MCM6: variants seen among roughly 807,000 people sequenced by gnomAD.
MCM6 encodes the protein minichromosome maintenance complex component 6.
Under a neutral mutation model 94.3 loss-of-function variants are expected in MCM6, and 46 were observed. That is an observed-to-expected ratio of 0.49 (90% CI 0.39 to 0.62). The LOEUF is 0.62. Among genes scored for constraint, MCM6 ranks in the 20% least tolerant of loss-of-function variants. MCM6 has a pLI of 0.00. For missense variants in MCM6, 865 were observed against 1,017.9 expected (o/e 0.85, Z 2.04); for synonymous variants, 335 against 351.9 (o/e 0.95, Z 0.54).
At chr2:135,843,461 G>A (rs753145325) in intron 16 of MCM6, among the ~76,000 whole-genome samples, 17 of 152,036 alleles carry the variant, frequency 1.1e-4, no homozygotes, top group South Asian at 2.1e-4. Context: ...GGCCAGGCAC[G>A]GTGGCTCACG....
At chr2:135,856,218 G>T (rs1390967632) in intron 11 of MCM6, among the ~76,000 whole-genome samples, 1 of 152,164 alleles carries the variant, frequency 6.6e-6, no homozygotes, top group Non-Finnish European at 1.5e-5. Flanking sequence ...AGGTGGGTGT[G>T]CATCACTGGA....
Position 135,848,050 on chromosome 2 carries a change from C to CATGAACAAGA in MCM6, c.2053+2_2053+3insTCTTGTTCAT. On this transcript the variant is annotated splice_region_variant and intron_variant, in intron 14 of 16. Transcript: ENST00000264156. ...AAAACAGTCACATGAACAAGTATCT[C>CATGAACAAGA]ACCATTGATGCCACCAGCACCCTCA... 6.2e-7 allele frequency: 1 copy of CATGAACAAGA among 1,605,364 alleles called. No individual in the cohort carries two copies. Among genetic ancestry groups the CATGAACAAGA allele is most frequent in the Non-Finnish European group, 8.5e-7 (1 of 1,173,162 alleles).
chr2:135,863,579 T>A (rs565250290), intron 7 of MCM6, among the ~76,000 whole-genome samples: 74 of 152,110 alleles, frequency 4.9e-4, no homozygotes, highest in African/African-American at 1.6e-3. Context: ...AAATTTTTTT[T>A]AATTAGCTGG....
Position 135,852,853 on chromosome 2 carries a change from A to C in MCM6, c.1689T>G (p.Ile563Met), listed in dbSNP as rs372343766. 1.2e-6 allele frequency: 2 copies of C among 1,611,428 alleles called. No homozygotes were observed. Among genetic ancestry groups the C allele is most frequent in the African/African-American group, 2.7e-5 (2 of 74,892 alleles). ...VDLHSRIEESIDRVYSLDDIR... is the reference protein window; with the variant it reads ...VDLHSRIEESMDRVYSLDDIR... ...TATCATCGAGGGAATAGACACGATC[A>C]ATTGATTCCTCAATTCTTGAATGCA... The change falls in exon 12 of 17, where the codon ATT becomes ATG. Residue 563 changes from isoleucine to methionine, a missense_variant. Ile to Met is a conservative substitution (Grantham distance 10). Transcript: ENST00000264156.
rs199894424 is a variant in MCM6, at chr2:135,866,256, G to A, written c.803C>T (p.Ser268Phe). The A allele has an allele frequency of 1.3e-5, 21 of 1,614,096 alleles. No individual in the cohort carries two copies. The highest frequency in any genetic ancestry group is 1.7e-5 in the Non-Finnish European group (20 of 1,179,986). Reference protein sequence around the residue: ...STPGARAETNSRVSGVDGYET... With the variant: ...STPGARAETNFRVSGVDGYET... ...ATATCCATCAACACCACTGACACGG[G>A]AATTAGTTTCTGCACGTGCTCCTGA... The change falls in exon 6 of 17, where the codon TCC becomes TTC. Residue 268 changes from serine to phenylalanine, a missense_variant. This residue lies in a region of MCM6 where 404 missense variants were observed against 451.9 expected (regional missense o/e 0.89). Coordinates refer to ENST00000264156, the MANE Select transcript of MCM6 (RefSeq NM_005915.6).
intron 11 of MCM6, among the ~76,000 whole-genome samples, chr2:135,854,674 G>A (rs1679841298): frequency 6.6e-6 from 1 of 151,604 alleles, no homozygotes; most frequent in Non-Finnish European, 1.5e-5. Context: ...GGAGTTTGCA[G>A]CCAGCCTGGG....
intron 16 of MCM6, among the ~76,000 whole-genome samples, 185 bp from the exon 17 acceptor site, chr2:135,841,136 T>C (rs1194050429): frequency 1.3e-5 from 2 of 152,210 alleles, no homozygotes; most frequent in Non-Finnish European, 2.9e-5. Flanking sequence ...ACCCTGTTCC[T>C]AGTAGGATGC....
At chr2:135,853,045 C>A in intron 11 of MCM6, 130 bp from the exon 12 acceptor site, 1 of 704,556 alleles carries the variant, frequency 1.4e-6, no homozygotes, top group Non-Finnish European at 2.2e-6. Flanking sequence ...TTAATGGGTA[C>A]CAAGTTTCTG....
At chr2:135,870,207 T>C in intron 3 of MCM6, 44 bp downstream of exon 3, 2 of 1,430,156 alleles carry the variant, frequency 1.4e-6, no homozygotes, top group Non-Finnish European at 2.0e-6. Context: ...GTGGTACTTA[T>C]ACCATTTGGT....
chr2:135,845,537 T>G (rs1195164655), intron 15 of MCM6, among the ~76,000 whole-genome samples: 1 of 152,168 alleles, frequency 6.6e-6, no homozygotes, highest in Non-Finnish European at 1.5e-5. Flanking sequence ...AATCTCTTGT[T>G]CTCTTCTTTC....
In MCM6 at chr2:135,840,519, C is replaced by T. The variant is rs1280907336; in HGVS notation, c.*316G>A. 9.4e-6 allele frequency: 2 copies of T among 212,006 alleles called. No homozygotes were observed. The highest frequency in any genetic ancestry group is 2.3e-5 in the African/African-American group (1 of 43,570). The allele number at this position is 212,006 out of a possible 1,614,324, so 13.1% of individuals were successfully genotyped here. A position where few individuals can be genotyped will look rare whatever the true frequency, so the allele number is the denominator to read the frequency against. ...AAAAAAAGTTATTTGCTCAATAGGA[C>T]AGCACATACCTTAAAAGTAATGGGC... On this transcript the variant is annotated 3_prime_UTR_variant, in exon 17 of 17. Coordinates refer to ENST00000264156, the MANE Select transcript of MCM6 (RefSeq NM_005915.6).
chr2:135,854,770 G>C (rs766806659), intron 11 of MCM6, among the ~76,000 whole-genome samples: 1 of 152,024 alleles, frequency 6.6e-6, no homozygotes, highest in South Asian at 2.1e-4. Context: ...CTACTCGGGA[G>C]GCTGAGGTGG....
rs559262024 is a variant in MCM6 at position 135,857,057 on chromosome 2, T to C, written c.1471-174A>G. On this transcript the variant is annotated intron_variant, in intron 10 of 16. Transcript: ENST00000264156. ...TTTTGGTGGTATGATGTGCACACCA[T>C]TGAAGACATCAATTTGTTAGAAATT... Among the ~76,000 whole-genome samples the C allele has an allele frequency of 7.2e-5, 11 of 152,316 alleles. No homozygotes were observed. In the East Asian group the frequency reaches 7.7e-4, roughly 11 times the overall value.
chr2:135,859,970 AT>A (rs1372617083), intron 8 of MCM6, among the ~76,000 whole-genome samples: 1 of 151,728 alleles, frequency 6.6e-6, no homozygotes, highest in African/African-American at 2.4e-5. Context: ...TGCCCGGCTA[AT>A]TTTTGTATTT....
intron 8 of MCM6, among the ~76,000 whole-genome samples, chr2:135,860,797 G>A (rs1449037833): frequency 6.6e-6 from 1 of 152,146 alleles, no homozygotes; most frequent in Non-Finnish European, 1.5e-5. Flanking sequence ...AAGGCTGAAT[G>A]TTTTGCCCCT....
chr2:135,846,504 AATT>A (rs959524166), intron 14 of MCM6, 112 bp from the exon 15 acceptor site: 23 of 843,096 alleles, frequency 2.7e-5, no homozygotes, highest in Admixed American at 5.0e-5. Flanking sequence ...CACTTTTAAA[AATT>A]ATTATTATTA....
intron 11 of MCM6, among the ~76,000 whole-genome samples, chr2:135,853,215 T>C (rs1337515934): frequency 6.6e-6 from 1 of 152,170 alleles, no homozygotes; most frequent in Non-Finnish European, 1.5e-5. Context: ...GGGAGACTGA[T>C]GTGAGAGAAG....
intron 14 of MCM6, among the ~76,000 whole-genome samples, chr2:135,847,023 AAAAC>A (rs1015422340): frequency 6.6e-5 from 10 of 152,092 alleles, no homozygotes; most frequent in African/African-American, 2.4e-4. Context: ...AAAAAAACAA[AAAAC>A]AAACAAAAAA....
chr2:135,860,039 G>C (rs1679959843), intron 8 of MCM6, among the ~76,000 whole-genome samples: 1 of 151,308 alleles, frequency 6.6e-6, no homozygotes, highest in East Asian at 2.0e-4. Flanking sequence ...CCTGACCTCA[G>C]GTGATCCACC....
Sources: gnomAD v4.1 joint callset for allele counts (sites outside exome capture counted in the v4.1 genomes callset) on GRCh38, gnomAD v4.1.1 for gene constraint, gnomAD v4.1.1 regional missense constraint, MANE v1.5 for transcripts, NCBI Gene and HGNC (gene_info 2026-07-23, HGNC 2026-07-21) for gene names.